CDH4: variants seen among roughly 807,000 people sequenced by gnomAD.
CDH4 encodes cadherin 4.
A neutral mutation model predicts 86.0 loss-of-function variants in CDH4; 33 were observed. The ratio of observed to expected loss-of-function variants is 0.38; its 90% CI spans 0.29 to 0.51. The LOEUF is 0.51. Ranked by LOEUF, CDH4 falls within the 20% of genes least tolerant of loss-of-function variation. CDH4 has a pLI of 0.86. For synonymous variants in CDH4, 555 were observed against 549.4 expected, an observed-to-expected ratio of 1.01 and a Z score of -0.14; for missense variants, 1,114 against 1,307.4, an observed-to-expected ratio of 0.85 and a Z score of 2.28.
intron 2 of CDH4, among the ~76,000 whole-genome samples, chr20:61,498,113 G>A (rs760744937): frequency 5.9e-5 from 9 of 151,302 alleles, no homozygotes; most frequent in East Asian, 2.0e-4. Context: ...TGTAAATGAC[G>A]AGTTAATGGG....
At chr20:61,686,186 C>G (rs527528353) in intron 2 of CDH4, among the ~76,000 whole-genome samples, 70 of 152,296 alleles carry the variant, frequency 4.6e-4, no homozygotes, top group South Asian at 1.0e-3. Context: ...CACGAAACTC[C>G]TAGAGTTCTA....
At chr20:61,656,704 C>T (rs1260212539) in intron 2 of CDH4, among the ~76,000 whole-genome samples, 1 of 152,214 alleles carries the variant, frequency 6.6e-6, no homozygotes, top group Non-Finnish European at 1.5e-5. Context: ...CGAACTGAAC[C>T]TCAGAAAATC....
At chr20:61,609,745 T>A (rs757253909) in intron 2 of CDH4, among the ~76,000 whole-genome samples, 2 of 152,262 alleles carry the variant, frequency 1.3e-5, no homozygotes, top group Non-Finnish European at 2.9e-5. Context: ...GCTCTGCACA[T>A]GTGCGTCTCA....
At chr20:61,912,733 T>A (rs1349309376) in intron 9 of CDH4, among the ~76,000 whole-genome samples, 1 of 152,194 alleles carries the variant, frequency 6.6e-6, no homozygotes, top group Non-Finnish European at 1.5e-5. Flanking sequence ...CCCCTCTAAT[T>A]ATGAATTTTC....
chr20:61,638,687 C>T (rs926118425), intron 2 of CDH4, among the ~76,000 whole-genome samples: 7 of 152,328 alleles, frequency 4.6e-5, no homozygotes, highest in African/African-American at 1.7e-4. Context: ...TCTCTGCCCA[C>T]ATTGTGAGTT....
At chr20:61,677,860 G>A (rs2087462036) in intron 2 of CDH4, among the ~76,000 whole-genome samples, 1 of 127,930 alleles carries the variant, frequency 7.8e-6, no homozygotes, top group Non-Finnish European at 1.6e-5. Context: ...ATAGATAATA[G>A]ATGGATAGAT....
At chr20:61,730,242 C>T (rs1203093082) in intron 2 of CDH4, among the ~76,000 whole-genome samples, 2 of 152,042 alleles carry the variant, frequency 1.3e-5, no homozygotes, top group Non-Finnish European at 2.9e-5. Flanking sequence ...GGGTTTGGAC[C>T]AAATGCATGG....
chr20:61,882,145 C>A (rs1231842202), intron 7 of CDH4, among the ~76,000 whole-genome samples: 2 of 152,128 alleles, frequency 1.3e-5, no homozygotes, highest in African/African-American at 4.8e-5. Flanking sequence ...TTTGACCAGA[C>A]CCTGACAGGA....
chr20:61,299,862 C>T (rs191608210), intron 2 of CDH4, among the ~76,000 whole-genome samples: 17 of 152,270 alleles, frequency 1.1e-4, no homozygotes, highest in Admixed American at 2.6e-4. Context: ...CCATAAGTAA[C>T]GCCATAGAAG....
intron 2 of CDH4, among the ~76,000 whole-genome samples, chr20:61,584,569 C>T (rs2145723713): frequency 6.6e-6 from 1 of 152,312 alleles, no homozygotes; most frequent in South Asian, 2.1e-4. Flanking sequence ...CAGCAGGGTA[C>T]CTGGCCACAG....
intron 7 of CDH4, among the ~76,000 whole-genome samples, chr20:61,878,983 G>A (rs1984162468): frequency 6.6e-6 from 1 of 152,236 alleles, no homozygotes; most frequent in African/African-American, 2.4e-5. Context: ...ATTGAATGAT[G>A]GTTTATAATT....
intron 2 of CDH4, among the ~76,000 whole-genome samples, chr20:61,281,605 G>A (rs1020025600): frequency 3.9e-5 from 6 of 152,280 alleles, no homozygotes; most frequent in South Asian, 2.1e-4. Flanking sequence ...CCCGCCTCCC[G>A]GCAGCCATAC....
chr20:61,658,277 C>T (rs1401803859), intron 2 of CDH4, among the ~76,000 whole-genome samples: 1 of 152,084 alleles, frequency 6.6e-6, no homozygotes, highest in Non-Finnish European at 1.5e-5. Context: ...GAGTCACCAT[C>T]CTCTCCGAGC....
At chr20:61,608,020 A>G (rs1157241357) in intron 2 of CDH4, among the ~76,000 whole-genome samples, 2 of 151,994 alleles carry the variant, frequency 1.3e-5, no homozygotes, top group African/African-American at 2.4e-5. Context: ...GTTAGATTTC[A>G]CACTCCACCA....
intron 2 of CDH4, among the ~76,000 whole-genome samples, chr20:61,581,941 C>A (rs1026124585): frequency 2.0e-5 from 3 of 152,230 alleles, no homozygotes; most frequent in African/African-American, 7.2e-5. Context: ...CTCCTCGGCC[C>A]TGGCTGGCCT....
Position 61,518,458 on chromosome 20 carries a change from C to T in CDH4, c.170-225105C>T, listed in dbSNP as rs531375008. On this transcript the variant is annotated intron_variant, in intron 2 of 15. Coordinates refer to ENST00000614565, the MANE Select transcript of CDH4 (RefSeq NM_001794.5). This position sits in a 1 kb window ranked among gnomAD's most constrained non-coding sequence, Gnocchi z 6.3. The stretch of plus-strand genomic sequence containing the variant: ...CACTCATCATCCATCATCCGTCATC[C>T]ACCCATCGTCCATCCATCCATCCTT... 3.9e-5 allele frequency among the ~76,000 whole-genome samples: 6 copies of T among 152,104 alleles called. No individual in the cohort carries two copies. The East Asian group carries it at 5.8e-4, about 15-fold the overall frequency.
intron 9 of CDH4, among the ~76,000 whole-genome samples, chr20:61,920,280 TTGTG>T (rs1161174980): frequency 1.4e-3 from 207 of 147,370 alleles, no homozygotes; most frequent in African/African-American, 5.1e-3. Context: ...CGTGTCATGA[TTGTG>T]TGGAAGCATG....
At chr20:61,530,231 A>G (rs1205795353) in intron 2 of CDH4, among the ~76,000 whole-genome samples, 4 of 152,186 alleles carry the variant, frequency 2.6e-5, no homozygotes, top group South Asian at 4.2e-4. Flanking sequence ...GGATTTCACC[A>G]TGTTGGCCAG....
chr20:61,582,908 C>T lies in CDH4; in HGVS notation c.170-160655C>T, dbSNP rs1384795029. Among the ~76,000 whole-genome samples, 1 of 152,158 alleles carries T rather than the reference C, an allele frequency of 6.6e-6. No individual in the cohort carries two copies. Among genetic ancestry groups the T allele is most frequent in the Non-Finnish European group, 1.5e-5 (1 of 68,022 alleles). On this transcript the variant is annotated intron_variant, in intron 2 of 15. Coordinates refer to ENST00000614565, the MANE Select transcript of CDH4 (RefSeq NM_001794.5). The surrounding 1 kb of genome is among the most constrained non-coding windows in gnomAD (Gnocchi z 4.2). ...GTTTTCATCGCCTCACAAAGAAACTCCACACCCTTGGCTGTCCGCCTTCTG... is the reference window on the plus strand; with the variant it reads ...GTTTTCATCGCCTCACAAAGAAACTTCACACCCTTGGCTGTCCGCCTTCTG...
Sources: gnomAD v4.1 joint callset for allele counts (sites outside exome capture counted in the v4.1 genomes callset) on GRCh38, gnomAD v4.1.1 for gene constraint, Gnocchi (gnomAD v3.1) non-coding constraint, MANE v1.5 for transcripts, NCBI Gene and HGNC (gene_info 2026-07-23, HGNC 2026-07-21) for gene names.